SNURF: variants seen among roughly 807,000 people sequenced by gnomAD.
SNURF encodes the protein SNURF protein.
In SNURF, 6 loss-of-function variants were observed where a neutral mutation model predicts 11.6. The ratio of observed to expected loss-of-function variants is 0.52; its 90% CI spans 0.28 to 1.02. The LOEUF (loss-of-function observed/expected upper bound fraction) is 1.02. Among genes scored for constraint, SNURF ranks in the 50% least tolerant of loss-of-function variants. SNURF has a pLI of 0.09. For missense variants in SNURF, 84 were observed against 88.4 expected, an observed-to-expected ratio of 0.95 and a Z score of 0.20; for synonymous variants, 29 against 31.6, an observed-to-expected ratio of 0.92 and a Z score of 0.27.
chr15:24,954,991 A>G (rs1444652832), exon 1 of SNURF: 10 of 1,609,292 alleles, frequency 6.2e-6, no homozygotes, highest in African/African-American at 1.3e-5. Flanking sequence ...TCTGGCGCAG[A>G]GTGGAGCGGC....
At position 24,966,181 on chromosome 15, in the gene SNURF, C is replaced by T. The variant is rs188476348; in HGVS notation, c.111-1751C>T. Among the ~76,000 whole-genome samples the T allele has an allele frequency of 1.9e-4, 29 of 152,204 alleles. 1 individual carries two copies. The East Asian group carries it at 5.0e-3, about 26-fold the overall frequency. ...TTGGCAGGGCACCCACACTTCCGACCAACAGTCTATAGATTCTGAGGTCCT... is the reference window on the plus strand; with the variant it reads ...TTGGCAGGGCACCCACACTTCCGACTAACAGTCTATAGATTCTGAGGTCCT... On this transcript the variant is annotated intron_variant, in intron 2 of 2. Coordinates refer to ENST00000577949, the Ensembl canonical transcript of SNURF.
At chr15:24,966,255 T>C (rs2075614602) in intron 2 of SNURF, among the ~76,000 whole-genome samples, 1 of 151,774 alleles carries the variant, frequency 6.6e-6, no homozygotes, top group Non-Finnish European at 1.5e-5. Flanking sequence ...AAATGACTAG[T>C]AGATCTCAAG....
intron 1 of SNURF, among the ~76,000 whole-genome samples, chr15:24,955,683 G>T (rs1596149070): frequency 6.7e-6 from 1 of 148,740 alleles, no homozygotes; most frequent in East Asian, 2.0e-4. Flanking sequence ...TGACAGTGGT[G>T]GGGGTTGTGT....
rs144974597 is a variant in SNURF at position 24,962,273 on chromosome 15, A to G, written c.110+64A>G. 10 of 1,284,536 alleles carry G rather than the reference A, an allele frequency of 7.8e-6. No individual in the cohort carries two copies. In the African/African-American group the frequency reaches 1.2e-4, roughly 15 times the overall value. The allele number at this position is 1,284,536 out of a possible 1,614,324, so 79.6% of individuals were successfully genotyped here. ...ATCTCCTTTCAGATTAGAACAAAAT[A>G]TCATGCAATGAGGGGATTAAAATGA... On this transcript the variant is annotated intron_variant, in intron 2 of 2. Transcript: ENST00000577949.
chr15:24,968,255 AC>A, exon 3 of SNURF: 1 of 519,678 alleles, frequency 1.9e-6, no homozygotes, highest in South Asian at 2.2e-5. Context: ...CTGCCCTGAC[AC>A]TTTCGTCATG....
chr15:24,972,848 G>A (rs532625640), downstream of SNURF, among the ~76,000 whole-genome samples: 2 of 151,974 alleles, frequency 1.3e-5, no homozygotes, highest in African/African-American at 4.8e-5. Context: ...AGTCCCTTAA[G>A]ATTACAAAAC....
At chr15:24,978,703 A>G (rs541570824), downstream of SNURF, 17 of 522,140 alleles carry the variant, frequency 3.3e-5, no homozygotes, top group African/African-American at 5.8e-5. Flanking sequence ...TCTTAGGATA[A>G]AAAGGTTTTC....
At chr15:24,978,428 G>A, downstream of SNURF, 6 of 1,613,426 alleles carry the variant, frequency 3.7e-6, no homozygotes, top group Non-Finnish European at 5.1e-6. Flanking sequence ...CCAGGAATGC[G>A]TCCACCAAGA....
In SNURF at chr15:24,966,672, C is replaced by T. The variant is rs139396002; in HGVS notation, c.111-1260C>T. Among the ~76,000 whole-genome samples the T allele has an allele frequency of 2.4e-3, 360 of 152,222 alleles. 1 individual carries two copies. The highest frequency in any genetic ancestry group is 8.1e-3 in the African/African-American group (335 of 41,534). ...ACACATTTCTTTCACTGGGTAAATT[C>T]CAAGGATGTATAGGATGTATAGGTT... On this transcript the variant is annotated intron_variant, in intron 2 of 2. Coordinates refer to ENST00000577949, the Ensembl canonical transcript of SNURF.
chr15:24,958,502 T>G (rs1057037677), intron 1 of SNURF, among the ~76,000 whole-genome samples: 2 of 134,898 alleles, frequency 1.5e-5, no homozygotes, highest in African/African-American at 2.9e-5. Context: ...TTTTTTTTTT[T>G]TTTTTTTTTT....
downstream of SNURF, chr15:24,978,598 T>C (rs764681456): frequency 1.3e-6 from 1 of 741,142 alleles, no homozygotes; most frequent in Non-Finnish European, 2.3e-6. Context: ...CTGTTGTATA[T>C]ATTTTTTTGC....
chr15:24,969,197 C>T (rs1316585238), downstream of SNURF, among the ~76,000 whole-genome samples: 1 of 152,062 alleles, frequency 6.6e-6, no homozygotes, highest in African/African-American at 2.4e-5. Context: ...GGTATGGTTT[C>T]GGCTCACTGC....
intron 3 of SNURF, among the ~76,000 whole-genome samples, chr15:24,973,981 A>G (rs979316230): frequency 1.3e-5 from 2 of 152,242 alleles, no homozygotes; most frequent in Non-Finnish European, 2.9e-5. Context: ...AGATGACTTC[A>G]TATTAATTCT....
intron 2 of SNURF, among the ~76,000 whole-genome samples, chr15:24,965,005 A>G (rs2075403797): frequency 1.3e-5 from 2 of 152,178 alleles, no homozygotes; most frequent in African/African-American, 4.8e-5. Context: ...GGGAAATAGT[A>G]TAATTTTTCC....
chr15:24,957,343 AGTGGAGACAATCTTATTGGG>A (rs1469996379), intron 1 of SNURF, among the ~76,000 whole-genome samples: 1 of 152,194 alleles, frequency 6.6e-6, no homozygotes, highest in African/African-American at 2.4e-5. Flanking sequence ...AAAAGAGAAA[AGTGGAGACAATCTTATTGGG>A]GTGGGGTTGT....
downstream of SNURF, among the ~76,000 whole-genome samples, chr15:24,970,449 G>A (rs538671290): frequency 2.0e-5 from 3 of 152,018 alleles, no homozygotes; most frequent in South Asian, 2.1e-4. Flanking sequence ...TGTAGTGGGG[G>A]ACACCTGTAA....
chr15:24,957,367 G>T (rs1012367184), intron 1 of SNURF, among the ~76,000 whole-genome samples: 1 of 152,128 alleles, frequency 6.6e-6, no homozygotes, highest in African/African-American at 2.4e-5. Context: ...TATTGGGGTG[G>T]GGTTGTGCTT....
At chr15:24,966,351 C>A (rs2075635049) in intron 2 of SNURF, among the ~76,000 whole-genome samples, 1 of 152,160 alleles carries the variant, frequency 6.6e-6, no homozygotes, top group African/African-American at 2.4e-5. Flanking sequence ...CCACACAAAT[C>A]TTCCCTGTCC....
At chr15:24,973,166 G>A (rs2076648961), downstream of SNURF, among the ~76,000 whole-genome samples, 1 of 152,082 alleles carries the variant, frequency 6.6e-6, no homozygotes, top group African/African-American at 2.4e-5. Context: ...TGGGATTATG[G>A]GCGTGAGCCA....
Sources: gnomAD v4.1 joint callset for allele counts (sites outside exome capture counted in the v4.1 genomes callset) on GRCh38, gnomAD v4.1.1 for gene constraint, MANE v1.5 for transcripts, NCBI Gene and HGNC (gene_info 2026-07-23, HGNC 2026-07-21) for gene names.